The following AGO3 variants were observed in gnomAD, a reference collection of about 807,000 sequenced individuals.
The protein encoded by AGO3 is protein argonaute-3.
In AGO3, 16 loss-of-function variants were observed where a neutral mutation model predicts 105.5. That is an observed-to-expected ratio of 0.15 (90% CI 0.10 to 0.23). The LOEUF (loss-of-function observed/expected upper bound fraction) is 0.23, where lower values mean the gene tolerates loss of function less well. Ranked by LOEUF, AGO3 falls within the 10% of genes least tolerant of loss-of-function variation. AGO3 has a pLI of 1.00. For synonymous variants in AGO3, 340 were observed against 367.3 expected, an observed-to-expected ratio of 0.93 and a Z score of 0.85; for missense variants, 534 against 1,088.0, an observed-to-expected ratio of 0.49 and a Z score of 7.16.
intron 11 of AGO3, 40 bp downstream of exon 11, chr1:36,014,088 G>T: frequency 6.2e-7 from 1 of 1,612,198 alleles, no homozygotes; most frequent in Non-Finnish European, 8.5e-7. Context: ...ACTTTTTTGT[G>T]TTTAGACTTT....
At chr1:36,054,862 A>G (rs1642863899) in intron 17 of AGO3, 84 bp from the exon 18 acceptor site, 2 of 1,334,338 alleles carry the variant, frequency 1.5e-6, no homozygotes, top group South Asian at 2.5e-5. Flanking sequence ...AGCCTGGGTG[A>G]CAGAGCAAGA....
chr1:35,991,674 T>C (rs1427261719), intron 5 of AGO3, among the ~76,000 whole-genome samples: 1 of 151,880 alleles, frequency 6.6e-6, no homozygotes, highest in Non-Finnish European at 1.5e-5. Flanking sequence ...CACTCCATTT[T>C]TAAAATAGCT....
chr1:36,033,721 CTT>C (rs1449822773), intron 12 of AGO3, among the ~76,000 whole-genome samples: 1 of 151,470 alleles, frequency 6.6e-6, no homozygotes, highest in Non-Finnish European at 1.5e-5. Context: ...GAACAGGGGA[CTT>C]TTGTTCTTTG....
chr1:36,043,409 T>C, intron 16 of AGO3, 38 bp from the exon 17 acceptor site: 1 of 1,542,642 alleles, frequency 6.5e-7, no homozygotes, highest in Non-Finnish European at 8.9e-7. Flanking sequence ...ATTTTTACCT[T>C]TTTCTTGTTT....
chr1:36,035,266 G>A (rs953366868), intron 13 of AGO3, among the ~76,000 whole-genome samples: 1 of 152,154 alleles, frequency 6.6e-6, no homozygotes, highest in East Asian at 1.9e-4. Context: ...CATGTGTGGT[G>A]GCATGTGCCT....
At chr1:36,040,465 C>G (rs1216056083) in intron 16 of AGO3, 24 bp downstream of exon 16, 1 of 1,612,318 alleles carries the variant, frequency 6.2e-7, no homozygotes. Flanking sequence ...TGTTGTAATA[C>G]TGTTATAAAC....
At chr1:36,007,434 C>T (rs1202284031) in intron 6 of AGO3, among the ~76,000 whole-genome samples, 3 of 152,132 alleles carry the variant, frequency 2.0e-5, no homozygotes, top group Admixed American at 6.6e-5. Context: ...TGGTGGCTCA[C>T]GCCTGTAATC....
chr1:35,965,260 G>A (rs1268479364), intron 2 of AGO3, among the ~76,000 whole-genome samples: 2 of 151,992 alleles, frequency 1.3e-5, no homozygotes, highest in Non-Finnish European at 2.9e-5. Context: ...AGGAGGCCGA[G>A]GCGGGCGGAT....
chr1:35,972,651 C>T (rs1211957542), intron 4 of AGO3, among the ~76,000 whole-genome samples: 1 of 151,670 alleles, frequency 6.6e-6, no homozygotes. Context: ...TGTGTGTGAG[C>T]GCATGTGTAC....
intron 5 of AGO3, among the ~76,000 whole-genome samples, chr1:35,989,543 C>A (rs990116421): frequency 1.3e-5 from 2 of 152,100 alleles, no homozygotes; most frequent in African/African-American, 4.8e-5. Flanking sequence ...AGCCCATTTG[C>A]AACTTGCATT....
chr1:36,024,074 T>A (rs1240998366), intron 11 of AGO3, among the ~76,000 whole-genome samples: 1 of 152,114 alleles, frequency 6.6e-6, no homozygotes, highest in African/African-American at 2.4e-5. Context: ...CCTGTACCTT[T>A]ATGCTTAGCA....
At chr1:35,942,886 A>G (rs1646282306) in intron 1 of AGO3, among the ~76,000 whole-genome samples, 1 of 152,204 alleles carries the variant, frequency 6.6e-6, no homozygotes, top group Admixed American at 6.6e-5. Flanking sequence ...GCATTTGCTC[A>G]TATCTCAACT....
At chr1:36,037,274 C>G (rs1642052447) in intron 14 of AGO3, among the ~76,000 whole-genome samples, 1 of 152,190 alleles carries the variant, frequency 6.6e-6, no homozygotes, top group Non-Finnish European at 1.5e-5. Context: ...AATCCCAGCA[C>G]TTTGGGAGGC....
In AGO3 at chr1:36,004,413, T is replaced by C. The variant is rs1640246175; in HGVS notation, c.731T>C (p.Ile244Thr). 17 of 1,609,064 alleles carry C rather than the reference T, an allele frequency of 1.1e-5. No homozygotes were observed. The highest frequency in any genetic ancestry group is 2.2e-5 in the East Asian group (1 of 44,806). Residue 244 changes from isoleucine (I) to threonine (T), a missense_variant, in exon 6 of 19, where the codon ATT (isoleucine) becomes ACT (threonine). By Grantham distance (89) the Ile-to-Thr change is moderately conservative (BLOSUM62 -1). This residue lies in a region of AGO3 where 373 missense variants were observed against 854.0 expected (regional missense o/e 0.44). Transcript: ENST00000373191. ...TGTGAAGTTCTTGATATTCATAATA[T>C]TGATGAGCAACCAAGACCTCTGACT... ...FMCEVLDIHNIDEQPRPLTDS... is the reference protein window; with the variant it reads ...FMCEVLDIHNTDEQPRPLTDS...
chr1:35,934,363 T>C (rs1350210457), intron 1 of AGO3, among the ~76,000 whole-genome samples: 2 of 152,366 alleles, frequency 1.3e-5, no homozygotes, highest in Admixed American at 1.3e-4. Flanking sequence ...GGAAGTTTTA[T>C]ACAGTCTTGC....
chr1:36,042,019 G>T (rs1642271309), intron 16 of AGO3, among the ~76,000 whole-genome samples: 1 of 152,148 alleles, frequency 6.6e-6, no homozygotes, highest in South Asian at 2.1e-4. Context: ...AATAGATATT[G>T]TTCTAAGTAT....
chr1:35,939,167 CAG>C (rs1024159343), intron 1 of AGO3, among the ~76,000 whole-genome samples: 1 of 151,958 alleles, frequency 6.6e-6, no homozygotes, highest in African/African-American at 2.4e-5. Context: ...ATTGTATTGA[CAG>C]AATTGTTTCA....
rs1027017147 is a variant in AGO3 at position 36,066,799 on chromosome 1, G to A, written c.*11054G>A. ...TGTAAAGAAATAGACTAGTAGGATT[G>A]TGAGAATATATAGTGAGGGGGGATT... On this transcript the variant is annotated 3_prime_UTR_variant, in exon 19 of 19. Transcript: ENST00000373191. 3 of 152,186 alleles carry A rather than the reference G, an allele frequency of 2.0e-5. No homozygotes were observed. Among genetic ancestry groups the A allele is most frequent in the African/African-American group, 7.2e-5 (3 of 41,456 alleles). The allele number at this position is 152,186 out of a possible 1,614,324, so 9.4% of individuals were successfully genotyped here.
At chr1:36,005,901 G>A in intron 6 of AGO3, 5 of 984,876 alleles carry the variant, frequency 5.1e-6, no homozygotes, top group Non-Finnish European at 6.0e-6. Context: ...AAAGCCAAAA[G>A]TGTTTTTTTG....
Sources: gnomAD v4.1 joint callset for allele counts (sites outside exome capture counted in the v4.1 genomes callset) on GRCh38, gnomAD v4.1.1 for gene constraint, gnomAD v4.1.1 regional missense constraint, MANE v1.5 for transcripts, NCBI Gene and HGNC (gene_info 2026-07-23, HGNC 2026-07-21) for gene names.